The following SMCHD1 variants were observed in gnomAD, a reference collection of about 807,000 sequenced individuals.
SMCHD1 encodes the protein structural maintenance of chromosomes flexible hinge domain containing 1.
Under a neutral mutation model 254.7 loss-of-function variants are expected in SMCHD1, and 78 were observed. The ratio of observed to expected loss-of-function variants is 0.31; its 90% CI spans 0.26 to 0.37. The LOEUF (loss-of-function observed/expected upper bound fraction) is 0.37, where lower values mean the gene tolerates loss of function less well. Among genes scored for constraint, SMCHD1 ranks in the 10% least tolerant of loss-of-function variants. SMCHD1 has a pLI of 1.00. For synonymous variants in SMCHD1, 766 were observed against 794.9 expected, an observed-to-expected ratio of 0.96 and a Z score of 0.61; for missense variants, 1,840 against 2,408.1, an observed-to-expected ratio of 0.76 and a Z score of 4.94.
Position 2,729,287 on chromosome 18 carries a change from C to A in SMCHD1, c.2926C>A (p.Pro976Thr). 1 of 1,496,268 alleles carries A rather than the reference C, an allele frequency of 6.7e-7. No homozygotes were observed. Among genetic ancestry groups the A allele is most frequent in the African/African-American group, 1.4e-5 (1 of 70,516 alleles). 92.7% of individuals were successfully genotyped at this position (1,496,268 alleles called of 1,614,324 possible). A position where few individuals can be genotyped will look rare whatever the true frequency, so the allele number is the denominator to read the frequency against. ...LIVHCKFSGAPNLPVYVVDCS... is the reference protein window; with the variant it reads ...LIVHCKFSGATNLPVYVVDCS... ...ATCTTTCAAATAGTTTTCAGGTGCT[C>A]CAAACCTTCCAGTCTATGTTGTAGA... is the stretch of plus-strand genomic sequence containing the variant. Residue 976 changes from proline (P) to threonine (T), a missense_variant, in exon 24 of 48, where the codon CCA (proline) becomes ACA (threonine). By Grantham distance (38) the Pro-to-Thr change is conservative. Around this residue, in one of 9 missense-constraint regions of SMCHD1, gnomAD observed 881 missense variants for 1,009.5 expected, o/e 0.87. Coordinates refer to ENST00000320876, the MANE Select transcript of SMCHD1 (RefSeq NM_015295.3).
At chr18:2,657,932 G>C (rs1368538702) in intron 1 of SMCHD1, among the ~76,000 whole-genome samples, 4 of 151,282 alleles carry the variant, frequency 2.6e-5, no homozygotes, top group African/African-American at 9.7e-5. Context: ...ACAGGTGAGC[G>C]CCACCATGCC....
chr18:2,773,375 G>T (rs1240408173), intron 41 of SMCHD1, among the ~76,000 whole-genome samples: 1 of 152,152 alleles, frequency 6.6e-6, no homozygotes, highest in Non-Finnish European at 1.5e-5. Flanking sequence ...TGGACAATAT[G>T]TGAGATTTTT....
Position 2,732,355 on chromosome 18 carries a change from C to A in SMCHD1, c.3139C>A (p.Gln1047Lys). 6.2e-7 allele frequency: 1 copy of A among 1,613,722 alleles called. No individual in the cohort carries two copies. Among genetic ancestry groups the A allele is most frequent in the Non-Finnish European group, 8.5e-7 (1 of 1,179,786 alleles). Residue 1047 changes from glutamine to lysine, a missense_variant, in exon 25 of 48, where the codon CAA becomes AAA. Coordinates refer to ENST00000320876, the MANE Select transcript of SMCHD1 (RefSeq NM_015295.3). Reference sequence around the variant, plus strand: ...ACTACAAATATTCAGTGTAGAAGGACAAAAGGCAATTCAGATCAAACATCA... The same window carrying A: ...ACTACAAATATTCAGTGTAGAAGGAAAAAAGGCAATTCAGATCAAACATCA... The part of the protein sequence containing the change: ...ARLQIFSVEG[Q>K]KAIQIKHQDE...
chr18:2,658,236 C>T (rs1024975574), intron 1 of SMCHD1, among the ~76,000 whole-genome samples: 1 of 152,110 alleles, frequency 6.6e-6, no homozygotes, highest in Non-Finnish European at 1.5e-5. Flanking sequence ...TGCTACTTTA[C>T]CCTTCCTCTA....
At chr18:2,716,052 T>C (rs1369876730) in intron 17 of SMCHD1, among the ~76,000 whole-genome samples, 1 of 152,218 alleles carries the variant, frequency 6.6e-6, no homozygotes, top group Non-Finnish European at 1.5e-5. Context: ...TTTACATTTG[T>C]TGGGGCAGGA....
Position 2,760,544 on chromosome 18 carries a change from T to C in SMCHD1, c.4347-108T>C, listed in dbSNP as rs375254204. ...GTCAATATACTATTAGTAGTTCTAT[T>C]CTTCCTACTCATTTATTTTTGTGGA... On this transcript the variant is annotated intron_variant, in intron 34 of 47. Transcript: ENST00000320876. The C allele has an allele frequency of 5.8e-6, 4 of 694,086 alleles. No homozygotes were observed. In the East Asian group the frequency reaches 8.1e-5, roughly 14 times the overall value. The allele number at this position is 694,086 out of a possible 1,614,324, so 43.0% of individuals were successfully genotyped here.
chr18:2,685,437 T>C (rs1346291049), intron 5 of SMCHD1, among the ~76,000 whole-genome samples: 5 of 152,176 alleles, frequency 3.3e-5, no homozygotes, highest in African/African-American at 9.7e-5. Flanking sequence ...TTTTAAAAAA[T>C]TGTGGTAAGA....
intron 1 of SMCHD1, among the ~76,000 whole-genome samples, chr18:2,665,482 G>A (rs141103751): frequency 6.6e-6 from 1 of 151,880 alleles, no homozygotes; most frequent in African/African-American, 2.4e-5. Context: ...CACCACACCT[G>A]GCTAATTTTT....
chr18:2,785,980 C>G (rs1336348248), intron 45 of SMCHD1, among the ~76,000 whole-genome samples: 1 of 152,072 alleles, frequency 6.6e-6, no homozygotes, highest in Non-Finnish European at 1.5e-5. Flanking sequence ...TATCTATTTG[C>G]AACGTTTTGT....
chr18:2,684,217 T>C (rs1030226205), intron 5 of SMCHD1, among the ~76,000 whole-genome samples: 2 of 152,132 alleles, frequency 1.3e-5, no homozygotes, highest in Non-Finnish European at 2.9e-5. Context: ...AAAGAATGTT[T>C]AGAAAGATCT....
At chr18:2,745,519 G>A (rs929164006) in intron 29 of SMCHD1, among the ~76,000 whole-genome samples, 1 of 152,178 alleles carries the variant, frequency 6.6e-6, no homozygotes, top group Non-Finnish European at 1.5e-5. Context: ...GAATAATAGT[G>A]TGTTGACTAA....
At chr18:2,777,764 G>A (rs1339106470) in intron 42 of SMCHD1, 42 bp from the exon 43 acceptor site, 1 of 1,107,602 alleles carries the variant, frequency 9.0e-7, no homozygotes, top group Admixed American at 2.6e-5. Context: ...AATTTAAAAA[G>A]TCATGTGCTT....
At chr18:2,660,472 G>GT (rs547130890) in intron 1 of SMCHD1, among the ~76,000 whole-genome samples, 8,965 of 126,082 alleles carry the variant, frequency 0.071, 1,196 homozygotes, top group African/African-American at 0.25. Flanking sequence ...AAAATCCATG[G>GT]TTTTTTTTTT....
At chr18:2,781,633 G>A (rs2076158086) in intron 44 of SMCHD1, among the ~76,000 whole-genome samples, 3 of 152,122 alleles carry the variant, frequency 2.0e-5, no homozygotes, top group Admixed American at 2.0e-4. Flanking sequence ...GATTAATATA[G>A]TTCAAAAAAT....
At chr18:2,749,115 AT>A (rs750777825) in intron 30 of SMCHD1, among the ~76,000 whole-genome samples, 18 of 152,198 alleles carry the variant, frequency 1.2e-4, no homozygotes, top group Non-Finnish European at 2.1e-4. Context: ...AGCAGTAAGG[AT>A]TTGATACCCA....
chr18:2,657,856 T>C (rs1271156080), intron 1 of SMCHD1, among the ~76,000 whole-genome samples: 2 of 152,154 alleles, frequency 1.3e-5, no homozygotes, highest in Non-Finnish European at 1.5e-5. Context: ...ATAAACATTT[T>C]CCCAGGCCCA....
chr18:2,781,916 G>A lies in SMCHD1; in HGVS notation c.5548-2534G>A, dbSNP rs774536318. Among the ~76,000 whole-genome samples, 17 of 152,206 alleles carry A rather than the reference G, an allele frequency of 1.1e-4. 1 individual carries two copies. The South Asian group carries it at 1.2e-3, about 11-fold the overall frequency. On this transcript the variant is annotated intron_variant, in intron 44 of 47. Transcript: ENST00000320876. ...GTAATCAGAGTATCAAGAGGAGAGC[G>A]TTTATAAAAGGATTATAGGCAATAT...
rs375962247 is a variant in SMCHD1 at position 2,729,305 on chromosome 18, G to C, written c.2944G>C (p.Val982Leu). Residue 982 changes from valine (V) to leucine (L), a missense_variant, in exon 24 of 48, where the codon GTT becomes CTT. This residue lies in a region of SMCHD1 where 881 missense variants were observed against 1,009.5 expected (regional missense o/e 0.87). Coordinates refer to ENST00000320876, the MANE Select transcript of SMCHD1 (RefSeq NM_015295.3). The part of the protein sequence containing the change: ...FSGAPNLPVY[V>L]VDCSSSGTSI... ...AGGTGCTCCAAACCTTCCAGTCTAT[G>C]TTGTAGATTGCAGTAGTTCTGGAAC... The C allele has an allele frequency of 3.9e-6, 6 of 1,551,886 alleles. No individual in the cohort carries two copies. Among genetic ancestry groups the C allele is most frequent in the Non-Finnish European group, 4.3e-6 (5 of 1,149,972 alleles).
At chr18:2,796,587 C>A in intron 47 of SMCHD1, 66 bp downstream of exon 47, 1 of 1,099,974 alleles carries the variant, frequency 9.1e-7, no homozygotes, top group Non-Finnish European at 1.3e-6. Flanking sequence ...CTCATGATAG[C>A]TTTGTTTTTT....
Sources: allele counts gnomAD v4.1 joint callset (sites outside exome capture counted in the v4.1 genomes callset), GRCh38; gene constraint gnomAD v4.1.1; regional missense constraint gnomAD v4.1.1; transcripts MANE v1.5; gene names NCBI Gene and HGNC (gene_info 2026-07-23, HGNC 2026-07-21).